The following NUP98 variants were observed in gnomAD, a reference collection of about 807,000 sequenced individuals.
NUP98 encodes nuclear pore complex protein Nup98-Nup96.
A neutral mutation model predicts 191.9 loss-of-function variants in NUP98; 26 were observed. That is an observed-to-expected ratio of 0.14 (90% confidence interval 0.10 to 0.19). NUP98 has a LOEUF of 0.19. Among genes scored for constraint, NUP98 ranks in the 10% least tolerant of loss-of-function variants. The pLI is 1.00. For synonymous variants in NUP98, 808 were observed against 778.4 expected (o/e 1.04, Z -0.63); for missense variants, 1,941 against 2,178.8 (o/e 0.89, Z 2.17).
chr11:3,758,055 C>A (rs750610394), intron 10 of NUP98, among the ~76,000 whole-genome samples: 1 of 151,810 alleles, frequency 6.6e-6, no homozygotes. Context: ...TGGTGGCTCA[C>A]GCCTGTAATC....
intron 28 of NUP98, among the ~76,000 whole-genome samples, chr11:3,690,827 C>T (rs35463650): frequency 0.22 from 32,877 of 151,742 alleles, 3,699 homozygotes; most frequent in Middle Eastern, 0.26. Context: ...GATACATAAA[C>T]CATGTACCCC....
intron 11 of NUP98, among the ~76,000 whole-genome samples, chr11:3,752,220 T>A (rs529892452): frequency 6.6e-6 from 1 of 150,578 alleles, no homozygotes; most frequent in Non-Finnish European, 1.5e-5. Flanking sequence ...TGAGGTTCCA[T>A]TAAGAAGGAA....
intron 18 of NUP98, among the ~76,000 whole-genome samples, chr11:3,719,120 CAA>C (rs770573619): frequency 9.4e-6 from 1 of 106,728 alleles, no homozygotes. Flanking sequence ...AACTCCATCT[CAA>C]AAAAAAAAAA....
intron 6 of NUP98, among the ~76,000 whole-genome samples, chr11:3,772,987 A>T (rs947321627): frequency 1.3e-5 from 2 of 152,022 alleles, no homozygotes; most frequent in Admixed American, 1.3e-4. Context: ...AAAAACAAAC[A>T]AACAAAAAAA....
chr11:3,744,639 A>G lies in NUP98; in HGVS notation c.1278T>C (p.Ala426=). Residue 426 remains alanine, a synonymous_variant, in exon 12 of 33, where the codon GCT becomes GCC. Transcript: ENST00000324932. The part of the protein sequence containing the change: ...LGAGFGTALG[A]GQASLFGNNQ... ...TGTTCCCAAACAAAGATGCCTGTCC[A>G]GCACCAAGAGCTACGGAGACAAGAG... 6.2e-7 allele frequency: 1 copy of G among 1,610,740 alleles called. No individual in the cohort carries two copies. Among genetic ancestry groups the G allele is most frequent in the East Asian group, 2.2e-5 (1 of 44,846 alleles).
At chr11:3,768,447 C>T (rs1377701442) in intron 8 of NUP98, 134 bp downstream of exon 8, 3 of 690,696 alleles carry the variant, frequency 4.3e-6, no homozygotes, top group East Asian at 3.2e-5. Flanking sequence ...ACTTTGTTCT[C>T]TTCCCTTCAT....
intron 28 of NUP98, among the ~76,000 whole-genome samples, chr11:3,690,040 C>T (rs756969943): frequency 2.7e-5 from 4 of 146,762 alleles, no homozygotes; most frequent in Non-Finnish European, 6.0e-5. Context: ...CAACCTCCAA[C>T]TCCCAGGTTC....
In NUP98 at chr11:3,700,717, T is replaced by C. The variant is rs775113689; in HGVS notation, c.3635A>G (p.His1212Arg). 2 of 1,614,022 alleles carry C rather than the reference T, an allele frequency of 1.2e-6. No individual in the cohort carries two copies. The highest frequency in any genetic ancestry group is 1.7e-6 in the Non-Finnish European group (2 of 1,179,856). The change falls in exon 24 of 33, where the codon CAT becomes CGT. Residue 1212 changes from histidine (H) to arginine (R), a missense_variant. Around this residue, in one of 6 missense-constraint regions of NUP98, gnomAD observed 1,030 missense variants for 1,115.8 expected, o/e 0.92. Coordinates refer to ENST00000324932, the MANE Select transcript of NUP98 (RefSeq NM_016320.5). ...LELKLKHSTV[H>R]VDELCPLIVP... ...AATGAGAGGACACAGTTCATCCACA[T>C]GGACAGTGCTGTGTTTTAATTTGAG...
chr11:3,763,365 T>G (rs1425600023), intron 8 of NUP98, among the ~76,000 whole-genome samples: 2 of 152,134 alleles, frequency 1.3e-5, no homozygotes, highest in African/African-American at 4.8e-5. Flanking sequence ...AGACTTTAAC[T>G]CTTGTGCTCT....
intron 11 of NUP98, among the ~76,000 whole-genome samples, chr11:3,748,869 A>G (rs944321262): frequency 1.3e-5 from 2 of 152,070 alleles, no homozygotes; most frequent in Non-Finnish European, 2.9e-5. Flanking sequence ...TATTTCTTGC[A>G]AAATTTATGT....
intron 1 of NUP98, among the ~76,000 whole-genome samples, chr11:3,795,942 T>C (rs1228046094): frequency 1.3e-5 from 2 of 152,218 alleles, no homozygotes; most frequent in African/African-American, 4.8e-5. Context: ...GAACCAAGTG[T>C]CAACTAATTC....
chr11:3,706,677 G>C, intron 20 of NUP98, 50 bp from the exon 21 acceptor site: 1 of 1,480,978 alleles, frequency 6.8e-7, no homozygotes, highest in Non-Finnish European at 9.3e-7. Context: ...ATACCAAACA[G>C]AAATAGATTC....
chr11:3,788,344 T>C lies in NUP98; in HGVS notation c.-28-6199A>G, dbSNP rs1214461297. The stretch of plus-strand genomic sequence containing the variant: ...TCGGCTAGGCGCGGTGGCTCACACC[T>C]GCAATCCCAACACTTTGGGAGGCCA... On this transcript the variant is annotated intron_variant, in intron 1 of 32. Transcript: ENST00000324932. 2.0e-5 allele frequency among the ~76,000 whole-genome samples: 3 copies of C among 152,228 alleles called. No homozygotes were observed. The East Asian group carries it at 5.8e-4, about 29-fold the overall frequency.
chr11:3,724,964 T>C (rs907255052), intron 15 of NUP98, 139 bp downstream of exon 15: 10 of 512,192 alleles, frequency 2.0e-5, no homozygotes, highest in South Asian at 1.9e-4. Context: ...TATGATTTGA[T>C]TTCTAGGCGC....
intron 30 of NUP98, among the ~76,000 whole-genome samples, chr11:3,682,150 G>C (rs1454607370): frequency 6.6e-6 from 1 of 152,182 alleles, no homozygotes; most frequent in African/African-American, 2.4e-5. Context: ...GAACTGAAGG[G>C]AGGTTAGGCT....
At chr11:3,740,875 G>A (rs145377698) in intron 12 of NUP98, among the ~76,000 whole-genome samples, 242 of 151,242 alleles carry the variant, frequency 1.6e-3, no homozygotes, top group Admixed American at 2.9e-3. Context: ...CTGGAGTGTA[G>A]CGGCGTGACG....
At chr11:3,730,196 C>T (rs2079789988) in intron 14 of NUP98, among the ~76,000 whole-genome samples, 1 of 152,080 alleles carries the variant, frequency 6.6e-6, no homozygotes, top group African/African-American at 2.4e-5. Flanking sequence ...GATCGTGCCA[C>T]TGCACTCCAG....
At chr11:3,738,776 CAAA>C (rs58460963) in intron 12 of NUP98, among the ~76,000 whole-genome samples, 2 of 67,240 alleles carry the variant, frequency 3.0e-5, no homozygotes, top group South Asian at 7.4e-4. Context: ...AGACTCCTCT[CAAA>C]AAAAAAAAAA....
chr11:3,778,821 C>T (rs1385751985), intron 4 of NUP98, 52 bp downstream of exon 4: 46 of 1,556,492 alleles, frequency 3.0e-5, no homozygotes, highest in Non-Finnish European at 3.5e-5. Context: ...ACAACACATT[C>T]AATAAGCAAA....
Sources: allele counts gnomAD v4.1 joint callset (sites outside exome capture counted in the v4.1 genomes callset), GRCh38; gene constraint gnomAD v4.1.1; regional missense constraint gnomAD v4.1.1; transcripts MANE v1.5; gene names NCBI Gene and HGNC (gene_info 2026-07-23, HGNC 2026-07-21).